PACRG: variants seen among roughly 807,000 people sequenced by gnomAD.
PACRG encodes the protein parkin coregulated gene protein.
A neutral mutation model predicts 29.7 loss-of-function variants in PACRG; 29 were observed. The observed-to-expected ratio is 0.98, with a 90% confidence interval of 0.73 to 1.33. PACRG has a LOEUF of 1.33. Among genes scored for constraint, PACRG ranks in the 40% most tolerant of loss-of-function variants. The pLI, the probability that PACRG is intolerant of heterozygous loss-of-function variation, is 0.00. For missense variants in PACRG, 279 were observed against 316.2 expected, an observed-to-expected ratio of 0.88 and a Z score of 0.89; for synonymous variants, 116 against 118.7, an observed-to-expected ratio of 0.98 and a Z score of 0.15.
chr6:162,796,102 A>T (rs1785360614), intron 1 of PACRG, among the ~76,000 whole-genome samples: 1 of 152,124 alleles, frequency 6.6e-6, no homozygotes, highest in South Asian at 2.1e-4. Flanking sequence ...CTCCAATAAG[A>T]ATATTTTTAA....
chr6:163,105,520 A>G (rs1460997299), intron 4 of PACRG, among the ~76,000 whole-genome samples: 1 of 152,152 alleles, frequency 6.6e-6, no homozygotes, highest in African/African-American at 2.4e-5. Flanking sequence ...GAAATATTCA[A>G]CCAGAAAAAA....
At chr6:162,977,269 A>C (rs1421275677) in intron 2 of PACRG, among the ~76,000 whole-genome samples, 1 of 152,124 alleles carries the variant, frequency 6.6e-6, no homozygotes, top group Admixed American at 6.6e-5. Context: ...CGTAAATACA[A>C]ATGGAAAAGT....
chr6:162,948,689 CA>C (rs1344389238), intron 2 of PACRG, among the ~76,000 whole-genome samples: 3 of 151,978 alleles, frequency 2.0e-5, no homozygotes, highest in Non-Finnish European at 2.9e-5. Flanking sequence ...AAGTCAACAG[CA>C]AAAAACCCTA....
intron 2 of PACRG, among the ~76,000 whole-genome samples, chr6:163,041,582 T>G (rs1216447282): frequency 2.6e-5 from 4 of 152,184 alleles, no homozygotes; most frequent in Non-Finnish European, 5.9e-5. Context: ...TCCCCAGTCA[T>G]GTGGAACTGT....
Position 162,755,768 on chromosome 6 carries a change from A to G in PACRG, c.156+27377A>G, listed in dbSNP as rs571898254. Among the ~76,000 whole-genome samples, 3 of 152,256 alleles carry G rather than the reference A, an allele frequency of 2.0e-5. No individual in the cohort carries two copies. In the East Asian group the frequency reaches 5.8e-4, roughly 29 times the overall value. On this transcript the variant is annotated intron_variant, in intron 1 of 4. Coordinates refer to ENST00000366888, the MANE Select transcript of PACRG (RefSeq NM_001080379.2). ...TCTTTTTTTGATATGAACACTTATC[A>G]CTATAAATTTCCCTTTCGGGACTGC...
chr6:163,161,478 G>A (rs1778553576), intron 4 of PACRG, among the ~76,000 whole-genome samples: 1 of 152,152 alleles, frequency 6.6e-6, no homozygotes, highest in Admixed American at 6.5e-5. Context: ...CCTTTGTACT[G>A]GCCTGCACAT....
chr6:163,113,436 A>T (rs568179152), intron 4 of PACRG, among the ~76,000 whole-genome samples: 11 of 152,310 alleles, frequency 7.2e-5, no homozygotes, highest in African/African-American at 2.6e-4. Context: ...CTCAAAGAGA[A>T]CCACACTGAG....
chr6:162,856,705 T>A (rs529953395), intron 2 of PACRG, among the ~76,000 whole-genome samples: 1 of 152,360 alleles, frequency 6.6e-6, no homozygotes, highest in Admixed American at 6.5e-5. Context: ...AAGTAGTTGA[T>A]TTTGCTTCAT....
chr6:163,228,685 T>G (rs1204463352), intron 4 of PACRG, among the ~76,000 whole-genome samples: 4 of 152,168 alleles, frequency 2.6e-5, no homozygotes, highest in Non-Finnish European at 5.9e-5. Context: ...TTTTGTAACA[T>G]TTCCCAAAGT....
chr6:163,294,195 TTAA>T (rs1784709829), intron 4 of PACRG, among the ~76,000 whole-genome samples: 1 of 152,192 alleles, frequency 6.6e-6, no homozygotes, highest in East Asian at 1.9e-4. Flanking sequence ...TAAAAATATA[TTAA>T]TGAGAATTTA....
At chr6:162,829,323 C>A (rs544862388) in intron 2 of PACRG, among the ~76,000 whole-genome samples, 1 of 152,242 alleles carries the variant, frequency 6.6e-6, no homozygotes, top group African/African-American at 2.4e-5. Flanking sequence ...TTTTGGGATA[C>A]AAATATATAA....
chr6:162,943,303 A>T (rs1335294767), intron 2 of PACRG, among the ~76,000 whole-genome samples: 2 of 152,136 alleles, frequency 1.3e-5, no homozygotes, highest in African/African-American at 4.8e-5. Flanking sequence ...GATATCCCCC[A>T]TCCATAGCTG....
chr6:163,061,522 TG>T (rs1265334770), intron 2 of PACRG, among the ~76,000 whole-genome samples: 1 of 152,170 alleles, frequency 6.6e-6, no homozygotes, highest in Non-Finnish European at 1.5e-5. Flanking sequence ...AAAGGGAGGT[TG>T]GGATGTTTTG....
At chr6:163,084,916 A>G (rs1332119251) in intron 3 of PACRG, among the ~76,000 whole-genome samples, 3 of 128,794 alleles carry the variant, frequency 2.3e-5, no homozygotes, top group East Asian at 2.6e-4. Context: ...TATATTCTAC[A>G]GGGCAAACTT....
At chr6:163,193,913 G>T in intron 4 of PACRG, among the ~76,000 whole-genome samples, 2 of 130,740 alleles carry the variant, frequency 1.5e-5, no homozygotes, top group African/African-American at 2.8e-5. Context: ...TTTTTCCTGA[G>T]ATGGAGTCTC....
At chr6:162,750,620 T>G (rs1214213117) in intron 1 of PACRG, among the ~76,000 whole-genome samples, 5 of 152,194 alleles carry the variant, frequency 3.3e-5, no homozygotes, top group African/African-American at 1.2e-4. Flanking sequence ...ACAGTTTAAG[T>G]GCTATGATTT....
chr6:162,761,352 T>A (rs913396851), intron 1 of PACRG, among the ~76,000 whole-genome samples: 1 of 152,200 alleles, frequency 6.6e-6, no homozygotes, highest in Non-Finnish European at 1.5e-5. Flanking sequence ...GTAAAAATTA[T>A]ATTTCTTTTT....
At chr6:163,083,243 T>C (rs1214291097) in intron 3 of PACRG, among the ~76,000 whole-genome samples, 1 of 152,174 alleles carries the variant, frequency 6.6e-6, no homozygotes, top group Non-Finnish European at 1.5e-5. Flanking sequence ...TCAAAGTCAC[T>C]CCTCTGCTCA....
chr6:162,992,398 A>G (rs1399080323), intron 2 of PACRG, among the ~76,000 whole-genome samples: 8 of 145,366 alleles, frequency 5.5e-5, no homozygotes, highest in African/African-American at 1.8e-4. Flanking sequence ...TAAACTATTG[A>G]TTATTGCCCC....
Sources: allele counts gnomAD v4.1 joint callset (sites outside exome capture counted in the v4.1 genomes callset), GRCh38; gene constraint gnomAD v4.1.1; transcripts MANE v1.5; gene names NCBI Gene and HGNC (gene_info 2026-07-23, HGNC 2026-07-21).